The following SUCLA2 variants were observed in gnomAD, a reference collection of about 807,000 sequenced individuals.
SUCLA2 encodes succinate-CoA ligase ADP-forming subunit beta.
A neutral mutation model predicts 54.8 loss-of-function variants in SUCLA2; 30 were observed. The observed-to-expected ratio is 0.55, with a 90% confidence interval of 0.41 to 0.74. SUCLA2 has a LOEUF of 0.74. Ranked by LOEUF, SUCLA2 falls within the 30% of genes least tolerant of loss-of-function variation. The pLI, the probability that SUCLA2 is intolerant of heterozygous loss-of-function variation, is 0.00. For synonymous variants in SUCLA2, 172 were observed against 188.9 expected, an observed-to-expected ratio of 0.91 and a Z score of 0.74; for missense variants, 476 against 562.9, an observed-to-expected ratio of 0.85 and a Z score of 1.56.
intron 5 of SUCLA2, chr13:47,971,830 C>A: frequency 5.0e-6 from 2 of 398,440 alleles, no homozygotes; most frequent in Middle Eastern, 6.3e-4. Context: ...GATATAAAAT[C>A]CAGACTACGA....
chr13:47,963,932 C>G (rs535462696), intron 6 of SUCLA2, among the ~76,000 whole-genome samples: 1 of 152,210 alleles, frequency 6.6e-6, no homozygotes, highest in South Asian at 2.1e-4. Flanking sequence ...TATCTTGTTG[C>G]ACAAAATGTA....
chr13:47,959,837 A>T (rs1949853895), intron 6 of SUCLA2, among the ~76,000 whole-genome samples: 1 of 152,204 alleles, frequency 6.6e-6, no homozygotes, highest in Admixed American at 6.5e-5. Flanking sequence ...ATGCATCAGC[A>T]ATTTAGCAAT....
At chr13:47,972,013 G>A (rs1439799686) in intron 5 of SUCLA2, 1 of 393,992 alleles carries the variant, frequency 2.5e-6, no homozygotes, top group East Asian at 3.6e-5. Context: ...CACTTCAGGA[G>A]GCCGATGAGG....
At chr13:47,960,376 G>A (rs9534884) in intron 6 of SUCLA2, among the ~76,000 whole-genome samples, 142,416 of 152,196 alleles carry the variant, frequency 0.94, 66,663 homozygotes, top group East Asian at 1. Context: ...GCTTACCTCT[G>A]ATGATCTAAA....
In SUCLA2 at chr13:47,943,153, C is replaced by CG. The variant is rs1593473473; in HGVS notation, c.*217_*218insC. 1.2e-5 allele frequency: 6 copies of CG among 514,868 alleles called. No individual in the cohort carries two copies. The East Asian group carries it at 2.0e-4, about 17-fold the overall frequency. 31.9% of individuals were successfully genotyped at this position (514,868 alleles called of 1,614,324 possible). A position where few individuals can be genotyped will look rare whatever the true frequency, so the allele number is the denominator to read the frequency against. ...GAGAAGCAAAAAAGACTGGCTGCGA[C>CG]AAAAGAAAGAAGATAACTGCATTAT... On this transcript the variant is annotated 3_prime_UTR_variant, in exon 11 of 11. Transcript: ENST00000646932.
intron 10 of SUCLA2, among the ~76,000 whole-genome samples, chr13:47,945,098 A>AC (rs1949718900): frequency 6.6e-6 from 1 of 151,724 alleles, no homozygotes; most frequent in African/African-American, 2.4e-5. Context: ...AAAAATACAT[A>AC]ATTAGCCAGG....
chr13:47,993,428 G>A (rs533464124), intron 2 of SUCLA2, among the ~76,000 whole-genome samples: 3 of 152,224 alleles, frequency 2.0e-5, no homozygotes, highest in South Asian at 4.1e-4. Context: ...TCATTTTGGG[G>A]ACTCATATAG....
intron 1 of SUCLA2, chr13:48,000,888 A>T (rs1593508410): frequency 7.8e-7 from 1 of 1,285,338 alleles, no homozygotes; most frequent in Non-Finnish European, 9.9e-7. Context: ...TGACCCCCTC[A>T]CCTCCACTCA....
chr13:47,985,207 T>C (rs1276725078), intron 4 of SUCLA2, among the ~76,000 whole-genome samples: 1 of 152,198 alleles, frequency 6.6e-6, no homozygotes, highest in African/African-American at 2.4e-5. Flanking sequence ...TTTGTTTTAG[T>C]TTTGCTTTGC....
intron 2 of SUCLA2, among the ~76,000 whole-genome samples, chr13:47,990,803 G>A (rs116837315): frequency 0.012 from 1,833 of 152,270 alleles, 37 homozygotes; most frequent in African/African-American, 0.042. Flanking sequence ...CCAAATCAAT[G>A]AGGTAGGAAA....
At chr13:47,943,481 T>A (rs754006931) in intron 10 of SUCLA2, 36 bp from the exon 11 acceptor site, 3 of 1,605,390 alleles carry the variant, frequency 1.9e-6, no homozygotes, top group Non-Finnish European at 2.6e-6. Context: ...CACAAAAAGG[T>A]AAATTCAGAA....
intron 5 of SUCLA2, among the ~76,000 whole-genome samples, chr13:47,972,994 C>A (rs1275718640): frequency 6.6e-6 from 1 of 151,870 alleles, no homozygotes; most frequent in Non-Finnish European, 1.5e-5. Flanking sequence ...TCATGATCCG[C>A]CCACTTTGGC....
At chr13:47,987,586 A>G (rs1950113569) in intron 4 of SUCLA2, 1 of 152,124 alleles carries the variant, frequency 6.6e-6, no homozygotes. Context: ...ATCTAGTGTT[A>G]TATCTTTAGA....
At chr13:47,948,468 C>T (rs909550562) in intron 10 of SUCLA2, among the ~76,000 whole-genome samples, 8 of 152,100 alleles carry the variant, frequency 5.3e-5, no homozygotes, top group Admixed American at 3.3e-4. Context: ...AATCCTCCTG[C>T]CTCAGCCTCC....
intron 4 of SUCLA2, among the ~76,000 whole-genome samples, chr13:47,985,052 G>A (rs970194707): frequency 1.3e-5 from 2 of 152,208 alleles, no homozygotes; most frequent in Non-Finnish European, 2.9e-5. Context: ...ATCACACAGA[G>A]AGTAGGTACT....
At chr13:47,953,658 C>A (rs1456232965) in intron 8 of SUCLA2, among the ~76,000 whole-genome samples, 1 of 152,024 alleles carries the variant, frequency 6.6e-6, no homozygotes, top group Non-Finnish European at 1.5e-5. Flanking sequence ...GGGCATTATA[C>A]CAGACACTAC....
Position 47,987,358 on chromosome 13 carries a change from A to G in SUCLA2, c.534+1183T>C, listed in dbSNP as rs1034223662. Among the ~76,000 whole-genome samples, 26 of 152,158 alleles carry G rather than the reference A, an allele frequency of 1.7e-4. 1 individual carries two copies. The highest frequency in any genetic ancestry group is 1.5e-3 in the Admixed American group (23 of 15,286). On this transcript the variant is annotated intron_variant, in intron 4 of 10. Transcript: ENST00000646932. ...AAGTAAAAACATAACTAACAAAATG[A>G]CAGATGCCGATATATAATGTCAATG...
chr13:47,991,034 A>G (rs906341355), intron 2 of SUCLA2, among the ~76,000 whole-genome samples: 1 of 152,100 alleles, frequency 6.6e-6, no homozygotes, highest in Non-Finnish European at 1.5e-5. Flanking sequence ...TCTATCTTCA[A>G]ATTTATCCAG....
At chr13:47,951,708 A>G (rs1949777744) in intron 8 of SUCLA2, among the ~76,000 whole-genome samples, 1 of 152,084 alleles carries the variant, frequency 6.6e-6, no homozygotes, top group South Asian at 2.1e-4. Context: ...TTTAGCATAC[A>G]ACCTTCCTTT....
Sources: allele counts gnomAD v4.1 joint callset (sites outside exome capture counted in the v4.1 genomes callset), GRCh38; gene constraint gnomAD v4.1.1; transcripts MANE v1.5; gene names NCBI Gene and HGNC (gene_info 2026-07-23, HGNC 2026-07-21).